ST8SIA6: variants seen among roughly 807,000 people sequenced by gnomAD.
ST8SIA6 encodes the protein alpha-2,8-sialyltransferase 8F.
Under a neutral mutation model 33.6 loss-of-function variants are expected in ST8SIA6, and 39 were observed. That is an observed-to-expected ratio of 1.16 (90% CI 0.90 to 1.52). The LOEUF (loss-of-function observed/expected upper bound fraction) is 1.52, where lower values mean the gene tolerates loss of function less well. Among genes scored for constraint, ST8SIA6 ranks in the 40% most tolerant of loss-of-function variants. The pLI, the probability that ST8SIA6 is intolerant of heterozygous loss-of-function variation, is 0.00. For missense variants in ST8SIA6, 441 were observed against 443.8 expected, an observed-to-expected ratio of 0.99 and a Z score of 0.06; for synonymous variants, 172 against 167.2, an observed-to-expected ratio of 1.03 and a Z score of -0.22.
chr10:17,437,530 A>C (rs1852311671), intron 2 of ST8SIA6, among the ~76,000 whole-genome samples: 1 of 152,022 alleles, frequency 6.6e-6, no homozygotes, highest in African/African-American at 2.4e-5. Context: ...GGTCTGAAGC[A>C]GACTCACCTT....
chr10:17,346,649 G>A (rs1373440760), intron 4 of ST8SIA6, among the ~76,000 whole-genome samples: 4 of 152,128 alleles, frequency 2.6e-5, no homozygotes, highest in Admixed American at 2.0e-4. Context: ...GGCAGCCCAC[G>A]GAACTGAGAG....
chr10:17,338,789 C>T (rs372495538), intron 4 of ST8SIA6, among the ~76,000 whole-genome samples: 36 of 152,180 alleles, frequency 2.4e-4, no homozygotes, highest in African/African-American at 7.5e-4. Context: ...ACTCTTGCTG[C>T]GTTCTACCTT....
intron 7 of ST8SIA6, among the ~76,000 whole-genome samples, chr10:17,322,717 TAG>T (rs1240355445): frequency 6.6e-6 from 1 of 152,138 alleles, no homozygotes; most frequent in Non-Finnish European, 1.5e-5. Flanking sequence ...AGTTTCTAAA[TAG>T]AGTAAGTTTT....
At chr10:17,423,699 CT>C (rs141018508) in intron 2 of ST8SIA6, among the ~76,000 whole-genome samples, 2,046 of 152,224 alleles carry the variant, frequency 0.013, 25 homozygotes, top group Non-Finnish European at 0.022. Context: ...GGGCATGCCC[CT>C]CCCACCCCTT....
At chr10:17,356,249 C>A (rs1849186280) in intron 4 of ST8SIA6, among the ~76,000 whole-genome samples, 1 of 152,002 alleles carries the variant, frequency 6.6e-6, no homozygotes, top group African/African-American at 2.4e-5. Flanking sequence ...CTACAGTGCT[C>A]TAAACTATAC....
intron 3 of ST8SIA6, among the ~76,000 whole-genome samples, chr10:17,385,008 T>TTTTG (rs79406840): frequency 0.038 from 5,778 of 152,190 alleles, 155 homozygotes; most frequent in South Asian, 0.055. Context: ...CTGTTTTGTT[T>TTTTG]TTTGTTTGTT....
chr10:17,379,146 A>G (rs562517248), intron 3 of ST8SIA6, among the ~76,000 whole-genome samples: 1 of 151,974 alleles, frequency 6.6e-6, no homozygotes, highest in African/African-American at 2.4e-5. Context: ...ACAAAAACAA[A>G]AAAAACCGAA....
intron 2 of ST8SIA6, among the ~76,000 whole-genome samples, chr10:17,413,019 G>C (rs1189929838): frequency 6.6e-6 from 1 of 152,086 alleles, no homozygotes; most frequent in Admixed American, 6.5e-5. Flanking sequence ...TACTTCTAAG[G>C]ACCTGTAAAT....
chr10:17,390,861 C>CTT (rs58598287), intron 2 of ST8SIA6, among the ~76,000 whole-genome samples: 3 of 140,408 alleles, frequency 2.1e-5, no homozygotes, highest in African/African-American at 5.3e-5. Context: ...TTTTGAAGAC[C>CTT]TTTTTTTTTT....
At chr10:17,324,770 A>C (rs563154282) in intron 6 of ST8SIA6, among the ~76,000 whole-genome samples, 268 of 146,572 alleles carry the variant, frequency 1.8e-3, no homozygotes, top group African/African-American at 6.6e-3. Flanking sequence ...TATGTACCAT[A>C]CCATGCATGC....
At chr10:17,355,441 C>T (rs762611074) in intron 4 of ST8SIA6, among the ~76,000 whole-genome samples, 4 of 152,122 alleles carry the variant, frequency 2.6e-5, no homozygotes, top group Admixed American at 6.6e-5. Context: ...TATTGGGTAC[C>T]ATCTATGAGA....
chr10:17,448,937 C>T (rs544235990), intron 2 of ST8SIA6, among the ~76,000 whole-genome samples: 45 of 150,962 alleles, frequency 3.0e-4, no homozygotes, highest in Non-Finnish European at 5.2e-4. Context: ...TTTTATTGAG[C>T]TTCTTTCATA....
Position 17,348,417 on chromosome 10 carries a change from A to G in ST8SIA6, c.377+11097T>C, listed in dbSNP as rs928413124. ...TATTTATGCCACTGTCTTTTATAAA[A>G]GGTCTCATTATTTCATGAACTTCAA... is the stretch of plus-strand genomic sequence containing the variant. On this transcript the variant is annotated intron_variant, in intron 4 of 7. Coordinates refer to ENST00000377602, the MANE Select transcript of ST8SIA6 (RefSeq NM_001004470.3). Among the ~76,000 whole-genome samples, 12 of 152,190 alleles carry G rather than the reference A, an allele frequency of 7.9e-5. 1 individual carries two copies. The highest frequency in any genetic ancestry group is 1.2e-4 in the African/African-American group (5 of 41,450).
intron 2 of ST8SIA6, among the ~76,000 whole-genome samples, chr10:17,399,854 A>G (rs1850971560): frequency 6.6e-6 from 1 of 151,006 alleles, no homozygotes; most frequent in Non-Finnish European, 1.5e-5. Flanking sequence ...GGAGGTGGAG[A>G]CTGCAGTACG....
At chr10:17,332,529 A>G (rs546282588) in intron 4 of ST8SIA6, among the ~76,000 whole-genome samples, 5 of 152,160 alleles carry the variant, frequency 3.3e-5, no homozygotes, top group Non-Finnish European at 5.9e-5. Flanking sequence ...CAGTAGCATG[A>G]TCTTGGGTCA....
chr10:17,324,005 T>C (rs1183119330), intron 6 of ST8SIA6, among the ~76,000 whole-genome samples: 1 of 152,204 alleles, frequency 6.6e-6, no homozygotes, highest in Non-Finnish European at 1.5e-5. Flanking sequence ...AAAATCCTAA[T>C]GTTCTTATAG....
At chr10:17,342,554 G>T (rs1429036705) in intron 4 of ST8SIA6, among the ~76,000 whole-genome samples, 1 of 152,182 alleles carries the variant, frequency 6.6e-6, no homozygotes, top group Admixed American at 6.5e-5. Flanking sequence ...TGGCTGCGAG[G>T]TTTTTACTAG....
chr10:17,451,952 T>A (rs1275213451), intron 2 of ST8SIA6, among the ~76,000 whole-genome samples: 1 of 152,130 alleles, frequency 6.6e-6, no homozygotes, highest in African/African-American at 2.4e-5. Context: ...AGAAAAGAAG[T>A]ATGTCAAAAG....
rs1849321714 is a variant in ST8SIA6 at position 17,359,701 on chromosome 10, T to G, written c.291-101A>C. 1.1e-5 allele frequency: 7 copies of G among 615,072 alleles called. No individual in the cohort carries two copies. The South Asian group carries it at 2.4e-4, about 21-fold the overall frequency. The allele number at this position is 615,072 out of a possible 1,614,324, so 38.1% of individuals were successfully genotyped here. A position where few individuals can be genotyped will look rare whatever the true frequency, so the allele number is the denominator to read the frequency against. On this transcript the variant is annotated intron_variant, in intron 3 of 7. Coordinates refer to ENST00000377602, the MANE Select transcript of ST8SIA6 (RefSeq NM_001004470.3). ...CTACTCCCTTTAGTCTATAAATATTTTTTGATATAAGGTGAGGCAGAAATA... is the reference window on the plus strand; with the variant it reads ...CTACTCCCTTTAGTCTATAAATATTGTTTGATATAAGGTGAGGCAGAAATA...
Sources: allele counts gnomAD v4.1 joint callset (sites outside exome capture counted in the v4.1 genomes callset), GRCh38; gene constraint gnomAD v4.1.1; transcripts MANE v1.5; gene names NCBI Gene and HGNC (gene_info 2026-07-23, HGNC 2026-07-21).